The following NRXN3 variants were observed in gnomAD, a reference collection of about 807,000 sequenced individuals.
The protein encoded by NRXN3 is neurexin 3, also known as neurexin III.
NRXN3 carries 32 observed loss-of-function variants against 137.6 expected under a neutral mutation model. That is an observed-to-expected ratio of 0.23 (90% confidence interval 0.18 to 0.31). The LOEUF is 0.31. NRXN3 is among the 10% of genes least tolerant of loss of function. The pLI is 1.00. For missense variants in NRXN3, 1,574 were observed against 2,062.5 expected, an observed-to-expected ratio of 0.76 and a Z score of 4.59; for synonymous variants, 798 against 784.5, an observed-to-expected ratio of 1.02 and a Z score of -0.29.
At chr14:79,054,807 G>A (rs1460796571) in intron 15 of NRXN3, among the ~76,000 whole-genome samples, 1 of 152,134 alleles carries the variant, frequency 6.6e-6, no homozygotes, top group Non-Finnish European at 1.5e-5. Context: ...GAACAGTTTG[G>A]ACTGTGGAAA....
rs2098424366 is a variant in NRXN3 at position 78,714,838 on chromosome 14, C to T, written c.1743C>T (p.Tyr581=). 6.2e-7 allele frequency: 1 copy of T among 1,614,184 alleles called. No individual in the cohort carries two copies. The change falls in exon 8 of 21, where the codon TAC becomes TAT. Residue 581 remains tyrosine, a synonymous_variant. Coordinates refer to ENST00000335750, the MANE Select transcript of NRXN3 (RefSeq NM_001330195.2). ...TCCTGGACCTGGAAGGAGACATGTA[C>T]CTGGGAGGGCTGCCGGAGAACCGTG... ...SEILDLEGDM[Y]LGGLPENRAG...
chr14:79,145,246 A>G (rs2059184332), intron 15 of NRXN3, among the ~76,000 whole-genome samples: 1 of 152,188 alleles, frequency 6.6e-6, no homozygotes, highest in Admixed American at 6.5e-5. Flanking sequence ...TATATAACTG[A>G]AATTTTACAT....
chr14:78,700,769 A>G (rs565573410), intron 6 of NRXN3, among the ~76,000 whole-genome samples: 1 of 152,012 alleles, frequency 6.6e-6, no homozygotes, highest in South Asian at 2.1e-4. Flanking sequence ...GATTGACTGG[A>G]AACTTTTTCT....
At position 79,864,013 on chromosome 14, in the gene NRXN3, T is replaced by TATCA. The variant is rs2099416665; in HGVS notation, c.*2050_*2053dup. 1.3e-5 allele frequency: 2 copies of TATCA among 152,534 alleles called. No homozygotes were observed. Among genetic ancestry groups the TATCA allele is most frequent in the Admixed American group, 1.3e-4 (2 of 15,286 alleles). 9.4% of individuals were successfully genotyped at this position (152,534 alleles called of 1,614,324 possible). On this transcript the variant is annotated 3_prime_UTR_variant, in exon 21 of 21. Coordinates refer to ENST00000335750, the MANE Select transcript of NRXN3 (RefSeq NM_001330195.2). ...TGTGTTAAGAGTTTAATTTTTTTGT[T>TATCA]ATCATTAAAAAAGACAGGATTATAA...
At chr14:79,255,416 A>C (rs999270484) in intron 15 of NRXN3, among the ~76,000 whole-genome samples, 2 of 152,222 alleles carry the variant, frequency 1.3e-5, no homozygotes, top group Admixed American at 6.5e-5. Flanking sequence ...GTATAGGGTT[A>C]AGAGTATGAC....
chr14:78,803,670 C>T lies in NRXN3; in HGVS notation c.2095C>T (p.Pro699Ser). 1 of 1,614,122 alleles carries T rather than the reference C, an allele frequency of 6.2e-7. No homozygotes were observed. The highest frequency in any genetic ancestry group is 1.1e-5 in the South Asian group (1 of 91,078). ...DGSMYMKIIMPMVMHTEAEDV... is the reference protein window; with the variant it reads ...DGSMYMKIIMSMVMHTEAEDV... ...TAGCATGTACATGAAGATCATCATGCCCATGGTCATGCATACTGAGGCAGA... is the reference window on the plus strand; with the variant it reads ...TAGCATGTACATGAAGATCATCATGTCCATGGTCATGCATACTGAGGCAGA... Residue 699 changes from proline (P) to serine (S), a missense_variant, in exon 9 of 21, where the codon CCC becomes TCC. Transcript: ENST00000335750.
chr14:79,156,247 A>G (rs1568451455), intron 15 of NRXN3, among the ~76,000 whole-genome samples: 2 of 152,010 alleles, frequency 1.3e-5, no homozygotes, highest in African/African-American at 2.4e-5. Context: ...TCTTAGAGCA[A>G]TTTCTTAGTT....
Position 78,172,745 on chromosome 14 carries a change from C to A in NRXN3, c.-704+2071C>A, listed in dbSNP as rs17107028. 1.8e-3 allele frequency among the ~76,000 whole-genome samples: 272 copies of A among 152,134 alleles called. 6 individuals carry two copies. The East Asian group carries it at 0.045, about 25-fold the overall frequency. ...AAAAACAACCGGACTGTGCGAATGCCCTTTTCTGGAGCTTTCTGGCCCTTT... is the reference window on the plus strand; with the variant it reads ...AAAAACAACCGGACTGTGCGAATGCACTTTTCTGGAGCTTTCTGGCCCTTT... On this transcript the variant is annotated intron_variant, in intron 1 of 20. Coordinates refer to ENST00000335750, the MANE Select transcript of NRXN3 (RefSeq NM_001330195.2).
At chr14:78,458,611 A>G (rs1349341857) in intron 4 of NRXN3, among the ~76,000 whole-genome samples, 2 of 152,216 alleles carry the variant, frequency 1.3e-5, no homozygotes. Context: ...AAAGGAGAAC[A>G]TCTCTTCTGA....
At chr14:78,700,433 G>T (rs2098267589) in intron 6 of NRXN3, among the ~76,000 whole-genome samples, 1 of 152,184 alleles carries the variant, frequency 6.6e-6, no homozygotes. Flanking sequence ...AATGCCATCT[G>T]CTGGGAAAGG....
intron 15 of NRXN3, among the ~76,000 whole-genome samples, chr14:79,215,839 T>A (rs934725518): frequency 2.0e-5 from 3 of 152,126 alleles, no homozygotes; most frequent in Non-Finnish European, 4.4e-5. Context: ...AGTTGGAAAG[T>A]AGAAACAATA....
At chr14:79,138,311 G>A (rs1402695846) in intron 15 of NRXN3, among the ~76,000 whole-genome samples, 2 of 152,134 alleles carry the variant, frequency 1.3e-5, no homozygotes, top group African/African-American at 4.8e-5. Context: ...GTGCCACCAT[G>A]CCTGGCTAAT....
At chr14:78,632,644 C>T (rs1168471152) in intron 4 of NRXN3, among the ~76,000 whole-genome samples, 2 of 152,070 alleles carry the variant, frequency 1.3e-5, no homozygotes, top group East Asian at 3.9e-4. Context: ...GCTAGTAAAA[C>T]TTTATTTCAC....
At chr14:79,324,218 T>C (rs1297291625) in intron 15 of NRXN3, among the ~76,000 whole-genome samples, 1 of 152,208 alleles carries the variant, frequency 6.6e-6, no homozygotes, top group Admixed American at 6.5e-5. Context: ...AGCCGTTTAG[T>C]AAAGGAAATG....
intron 15 of NRXN3, among the ~76,000 whole-genome samples, chr14:79,132,286 T>C (rs970722535): frequency 6.6e-6 from 1 of 152,232 alleles, no homozygotes; most frequent in Non-Finnish European, 1.5e-5. Context: ...GATATATGAA[T>C]TACTTTTTCA....
At chr14:78,699,215 G>A (rs1469134407) in intron 6 of NRXN3, among the ~76,000 whole-genome samples, 1 of 149,900 alleles carries the variant, frequency 6.7e-6, no homozygotes, top group African/African-American at 2.5e-5. Flanking sequence ...AATGGAGTGG[G>A]TAGAAATATT....
intron 17 of NRXN3, among the ~76,000 whole-genome samples, chr14:79,679,181 A>G (rs2098656453): frequency 6.6e-6 from 1 of 151,978 alleles, no homozygotes; most frequent in Non-Finnish European, 1.5e-5. Context: ...TGCAAGGTGC[A>G]AGGTTCTATG....
rs559259200 is a variant in NRXN3 at position 78,376,996 on chromosome 14, A to G, written c.757+79136A>G. 6.6e-5 allele frequency among the ~76,000 whole-genome samples: 10 copies of G among 152,340 alleles called. No individual in the cohort carries two copies. The South Asian group carries it at 8.3e-4, about 13-fold the overall frequency. On this transcript the variant is annotated intron_variant, in intron 4 of 20. Coordinates refer to ENST00000335750, the MANE Select transcript of NRXN3 (RefSeq NM_001330195.2). ...ATTCTAAAAATTATTCAAGTAATCA[A>G]TAGGACAGCAGGAAAAAGAAAACAG... is the stretch of plus-strand genomic sequence containing the variant.
chr14:79,299,219 C>T (rs1396481336), intron 15 of NRXN3, among the ~76,000 whole-genome samples: 1 of 152,130 alleles, frequency 6.6e-6, no homozygotes, highest in Non-Finnish European at 1.5e-5. Flanking sequence ...ATCAACTTCT[C>T]AGCCTTGACC....
Sources: gnomAD v4.1 joint callset for allele counts (sites outside exome capture counted in the v4.1 genomes callset) on GRCh38, gnomAD v4.1.1 for gene constraint, MANE v1.5 for transcripts, NCBI Gene and HGNC (gene_info 2026-07-23, HGNC 2026-07-21) for gene names.